Variants in RARB observed in about 807,000 individuals in gnomAD.
RARB encodes the protein retinoic acid receptor beta, also known as HBV-activated protein.
A neutral mutation model predicts 51.9 loss-of-function variants in RARB; 17 were observed. That is an observed-to-expected ratio of 0.33 (90% CI 0.22 to 0.49). RARB has a LOEUF of 0.49. RARB is among the 20% of genes least tolerant of loss of function. The pLI is 0.99. For missense variants in RARB, 369 were observed against 550.8 expected, an observed-to-expected ratio of 0.67 and a Z score of 3.30; for synonymous variants, 215 against 195.4, an observed-to-expected ratio of 1.10 and a Z score of -0.84.
chr3:25,339,274 C>T (rs1042204306), intron 5 of RARB, among the ~76,000 whole-genome samples: 4 of 152,166 alleles, frequency 2.6e-5, no homozygotes, highest in South Asian at 4.1e-4. Context: ...CTCTGTACAT[C>T]GTGAAGTATA....
intron 2 of RARB, among the ~76,000 whole-genome samples, chr3:24,868,134 C>T (rs1702884403): frequency 6.6e-6 from 1 of 152,112 alleles, no homozygotes; most frequent in Admixed American, 6.6e-5. Flanking sequence ...ACTTACTCTT[C>T]AATCTTTTTA....
intron 1 of RARB, among the ~76,000 whole-genome samples, chr3:24,835,071 A>C (rs2125327649): frequency 6.6e-6 from 1 of 152,240 alleles, no homozygotes. Flanking sequence ...TATAAGCAAA[A>C]ACAAACAAAA....
intron 4 of RARB, among the ~76,000 whole-genome samples, chr3:25,577,334 A>C (rs1184242304): frequency 2.0e-5 from 3 of 152,316 alleles, no homozygotes; most frequent in African/African-American, 7.2e-5. Flanking sequence ...GTGATCGTTA[A>C]GCATGTAGAA....
intron 5 of RARB, among the ~76,000 whole-genome samples, chr3:25,204,410 C>T (rs572259264): frequency 1.2e-4 from 19 of 152,242 alleles, no homozygotes; most frequent in East Asian, 1.9e-4. Context: ...TGTCTGAAGC[C>T]GCCTTCTCTC....
chr3:25,593,182 T>C (rs1304393801), intron 5 of RARB, among the ~76,000 whole-genome samples: 1 of 151,448 alleles, frequency 6.6e-6, no homozygotes, highest in Non-Finnish European at 1.5e-5. Context: ...TTTTTTTATC[T>C]CCAGCACCTG....
chr3:25,125,803 TG>T (rs1317417456), intron 3 of RARB, among the ~76,000 whole-genome samples: 2 of 152,202 alleles, frequency 1.3e-5, no homozygotes, highest in African/African-American at 2.4e-5. Flanking sequence ...TGATTTGAAT[TG>T]AACTTTGATT....
intron 3 of RARB, among the ~76,000 whole-genome samples, chr3:25,120,250 C>T (rs180845445): frequency 1.6e-4 from 25 of 152,188 alleles, no homozygotes; most frequent in Non-Finnish European, 2.6e-4. Flanking sequence ...TTGGACTAAA[C>T]ATTGGAGAGA....
At chr3:25,114,243 C>T (rs538495663) in intron 3 of RARB, among the ~76,000 whole-genome samples, 128 of 152,318 alleles carry the variant, frequency 8.4e-4, no homozygotes, top group Non-Finnish European at 1.5e-3. Flanking sequence ...TCAGGAAACT[C>T]TTGCCTCCTT....
intron 2 of RARB, among the ~76,000 whole-genome samples, chr3:25,049,698 A>G (rs1698288216): frequency 6.6e-6 from 1 of 152,256 alleles, no homozygotes. Context: ...TAAAAAATTA[A>G]GGATATTATT....
intron 3 of RARB, among the ~76,000 whole-genome samples, chr3:25,129,352 G>T (rs1699909749): frequency 6.6e-6 from 1 of 151,964 alleles, no homozygotes. Context: ...ATTACAGTAT[G>T]TCTTTTTTGT....
At chr3:25,263,973 G>A (rs941117435) in intron 5 of RARB, among the ~76,000 whole-genome samples, 5 of 152,118 alleles carry the variant, frequency 3.3e-5, no homozygotes, top group African/African-American at 9.7e-5. Flanking sequence ...GCCATCAAAG[G>A]CAAGGGATAT....
chr3:25,349,554 C>A (rs1192720985), intron 5 of RARB, among the ~76,000 whole-genome samples: 2 of 152,084 alleles, frequency 1.3e-5, no homozygotes, highest in Admixed American at 1.3e-4. Flanking sequence ...TACTTTTAAG[C>A]CTTAAATCAG....
intron 3 of RARB, among the ~76,000 whole-genome samples, chr3:25,085,282 C>A (rs115907683): frequency 1.3e-5 from 2 of 152,086 alleles, no homozygotes; most frequent in Non-Finnish European, 2.9e-5. Flanking sequence ...GTAACACATC[C>A]TACATTGAAG....
At chr3:25,557,410 CT>C (rs954870876) in intron 3 of RARB, among the ~76,000 whole-genome samples, 1 of 152,172 alleles carries the variant, frequency 6.6e-6, no homozygotes, top group African/African-American at 2.4e-5. Flanking sequence ...TTTCCCAAGG[CT>C]CTCTCCGCAG....
intron 5 of RARB, among the ~76,000 whole-genome samples, chr3:25,204,573 T>C (rs1198853739): frequency 6.6e-6 from 1 of 152,184 alleles, no homozygotes; most frequent in Admixed American, 6.5e-5. Context: ...CCTTTGGTCT[T>C]TGATGATGGT....
intron 4 of RARB, among the ~76,000 whole-genome samples, chr3:25,167,787 C>T (rs943607763): frequency 1.3e-5 from 2 of 152,138 alleles, no homozygotes; most frequent in Admixed American, 6.5e-5. Flanking sequence ...TGTGAAAGGC[C>T]ACATATTTCA....
At chr3:25,112,498 C>A (rs532697064) in intron 3 of RARB, among the ~76,000 whole-genome samples, 7 of 152,076 alleles carry the variant, frequency 4.6e-5, no homozygotes, top group Non-Finnish European at 8.8e-5. Flanking sequence ...TAATGGTGGC[C>A]AGGAGTGGTG....
intron 2 of RARB, among the ~76,000 whole-genome samples, chr3:24,905,135 TAA>T (rs1340925880): frequency 1.3e-5 from 2 of 152,020 alleles, no homozygotes; most frequent in Admixed American, 6.6e-5. Context: ...TAAAGTATAA[TAA>T]AAATAAAATA....
chr3:25,498,787 T>C (rs531372553), intron 2 of RARB, among the ~76,000 whole-genome samples: 1 of 152,302 alleles, frequency 6.6e-6, no homozygotes, highest in African/African-American at 2.4e-5. Context: ...TGTTTTCCAT[T>C]GTGTTAATGT....
Sources: allele counts gnomAD v4.1 joint callset (sites outside exome capture counted in the v4.1 genomes callset), GRCh38; gene constraint gnomAD v4.1.1; transcripts MANE v1.5; gene names NCBI Gene and HGNC (gene_info 2026-07-23, HGNC 2026-07-21).